PEX14: variants seen among roughly 807,000 people sequenced by gnomAD.
PEX14 encodes peroxisomal membrane protein PEX14.
PEX14 carries 15 observed loss-of-function variants against 49.5 expected under a neutral mutation model. The ratio of observed to expected loss-of-function variants is 0.30; its 90% CI spans 0.20 to 0.47. The LOEUF (loss-of-function observed/expected upper bound fraction) is 0.47, where lower values mean the gene tolerates loss of function less well. Ranked by LOEUF, PEX14 falls within the 20% of genes least tolerant of loss-of-function variation. The probability of loss-of-function intolerance (pLI) is 1.00; values close to 1 mark genes in which losing one functional copy is unlikely to be tolerated. For synonymous variants in PEX14, 210 were observed against 212.7 expected (o/e 0.99, Z 0.11); for missense variants, 398 against 494.8 (o/e 0.80, Z 1.86).
At chr1:10,606,037 T>C (rs181795960) in intron 4 of PEX14, among the ~76,000 whole-genome samples, 2 of 152,202 alleles carry the variant, frequency 1.3e-5, no homozygotes, top group African/African-American at 4.8e-5. Flanking sequence ...GTCTTTGGTG[T>C]TGATGGCAGT....
At chr1:10,513,914 A>G (rs1447954708) in intron 2 of PEX14, among the ~76,000 whole-genome samples, 1 of 152,214 alleles carries the variant, frequency 6.6e-6, no homozygotes, top group Non-Finnish European at 1.5e-5. Flanking sequence ...CAGGCAGGAT[A>G]TTAATGCTAA....
At chr1:10,485,299 GTTT>G (rs941970919) in intron 1 of PEX14, among the ~76,000 whole-genome samples, 2 of 100,694 alleles carry the variant, frequency 2.0e-5, no homozygotes, top group African/African-American at 8.7e-5. Flanking sequence ...TTTGTGTGTG[GTTT>G]TTTTTTTTTT....
At chr1:10,575,202 A>G (rs114008460) in intron 3 of PEX14, among the ~76,000 whole-genome samples, 1,976 of 152,326 alleles carry the variant, frequency 0.013, 42 homozygotes, top group African/African-American at 0.044. Context: ...GCAAAGTTCA[A>G]TGTACCTAGA....
Position 10,485,482 on chromosome 1 carries a change from A to C in PEX14, c.37-9792A>C, listed in dbSNP as rs116048115. Among the ~76,000 whole-genome samples the C allele has an allele frequency of 1.6e-3, 246 of 150,946 alleles. 6 individuals are homozygous for C. Among genetic ancestry groups the C allele is most frequent in the African/African-American group, 5.8e-3 (237 of 40,676 alleles). ...AGGTGCATGCCACCATGCCCAGCTA[A>C]TTATTTTTTGAATTTTTGTAGCGAG... is the stretch of plus-strand genomic sequence containing the variant. On this transcript the variant is annotated intron_variant, in intron 1 of 8. Coordinates refer to ENST00000356607, the MANE Select transcript of PEX14 (RefSeq NM_004565.3).
intron 4 of PEX14, among the ~76,000 whole-genome samples, chr1:10,612,844 G>A (rs1277106135): frequency 1.3e-5 from 2 of 152,246 alleles, no homozygotes; most frequent in South Asian, 2.1e-4. Flanking sequence ...CGAAGCTGAT[G>A]GGCTGATGTG....
chr1:10,522,542 T>C (rs1028012078), intron 2 of PEX14, among the ~76,000 whole-genome samples: 2 of 152,234 alleles, frequency 1.3e-5, no homozygotes, highest in Non-Finnish European at 2.9e-5. Context: ...TCAAGATCTC[T>C]TTTGGCTTGT....
At chr1:10,530,680 T>C (rs979462034) in intron 2 of PEX14, among the ~76,000 whole-genome samples, 12 of 152,248 alleles carry the variant, frequency 7.9e-5, no homozygotes, top group African/African-American at 2.9e-4. Flanking sequence ...TACCTGGCTA[T>C]TGGGCCCTTG....
chr1:10,508,237 C>T (rs1165487453), intron 2 of PEX14, among the ~76,000 whole-genome samples: 3 of 151,978 alleles, frequency 2.0e-5, no homozygotes, highest in South Asian at 2.1e-4. Context: ...GACGGAGTCT[C>T]GCTCTGTCAC....
chr1:10,611,370 C>T (rs75071931), intron 4 of PEX14, among the ~76,000 whole-genome samples: 20,074 of 152,232 alleles, frequency 0.13, 1,661 homozygotes, highest in South Asian at 0.19. Context: ...TCTGTTGCTC[C>T]ATGTACCGCA....
chr1:10,590,590 A>G (rs545163738), intron 3 of PEX14, among the ~76,000 whole-genome samples: 3 of 152,214 alleles, frequency 2.0e-5, no homozygotes, highest in Non-Finnish European at 2.9e-5. Flanking sequence ...CAGGTAGGGA[A>G]AATGAGATCT....
intron 5 of PEX14, among the ~76,000 whole-genome samples, chr1:10,618,895 G>A (rs1641512717): frequency 6.6e-6 from 1 of 152,216 alleles, no homozygotes; most frequent in South Asian, 2.1e-4. Context: ...CAAGGTTGTC[G>A]TGAAGTCCGG....
At position 10,495,144 on chromosome 1, in the gene PEX14, C is replaced by A; in HGVS notation, c.37-130C>A. 1 of 1,556,704 alleles carries A rather than the reference C, an allele frequency of 6.4e-7. No homozygotes were observed. Among genetic ancestry groups the A allele is most frequent in the Admixed American group, 1.9e-5 (1 of 53,636 alleles). On this transcript the variant is annotated intron_variant, in intron 1 of 8. Coordinates refer to ENST00000356607, the MANE Select transcript of PEX14 (RefSeq NM_004565.3). The surrounding 1 kb of genome is among the most constrained non-coding windows in gnomAD (Gnocchi z 4.2). ...AGTCCACTGCAAAATACTCTTGTGT[C>A]GTGAAAAACCAGTGAGAGATGTGAG...
intron 4 of PEX14, among the ~76,000 whole-genome samples, chr1:10,602,821 G>C (rs6684576): frequency 1.3e-5 from 2 of 152,266 alleles, no homozygotes; most frequent in East Asian, 1.9e-4. Context: ...CATTGTCTGC[G>C]TCGGGAGGGA....
intron 1 of PEX14, among the ~76,000 whole-genome samples, chr1:10,491,978 C>T (rs971437258): frequency 5.3e-5 from 8 of 152,104 alleles, no homozygotes; most frequent in African/African-American, 1.7e-4. Flanking sequence ...CCACTGCACC[C>T]GGCCGGCCAT....
intron 2 of PEX14, chr1:10,535,792 T>TGC (rs1168266833): frequency 3.9e-5 from 13 of 335,128 alleles, no homozygotes; most frequent in Non-Finnish European, 5.8e-5. Context: ...TGTGTGTGTG[T>TGC]GCGTGTGTAC....
chr1:10,562,914 C>CT (rs35438761), intron 3 of PEX14, among the ~76,000 whole-genome samples: 87,977 of 145,528 alleles, frequency 0.6, 27,662 homozygotes, highest in Non-Finnish European at 0.69. Context: ...TTCTTTCTTT[C>CT]TTTTCTTTTT....
chr1:10,493,118 C>T (rs1641499491), intron 1 of PEX14, among the ~76,000 whole-genome samples: 1 of 152,160 alleles, frequency 6.6e-6, no homozygotes, highest in Non-Finnish European at 1.5e-5. Flanking sequence ...CAATGTGGTG[C>T]CGCTTGAGAC....
chr1:10,547,148 C>G (rs1028383606), intron 3 of PEX14, among the ~76,000 whole-genome samples: 1 of 152,136 alleles, frequency 6.6e-6, no homozygotes, highest in African/African-American at 2.4e-5. Flanking sequence ...TTGTGTGACA[C>G]CTGGAAAAGC....
chr1:10,564,049 G>GT (rs1462132025), intron 3 of PEX14, among the ~76,000 whole-genome samples: 1 of 151,768 alleles, frequency 6.6e-6, no homozygotes, highest in African/African-American at 2.4e-5. Context: ...AATCTTTGGT[G>GT]TTTTTTTCAA....
Sources: gnomAD v4.1 joint callset for allele counts (sites outside exome capture counted in the v4.1 genomes callset) on GRCh38, gnomAD v4.1.1 for gene constraint, Gnocchi (gnomAD v3.1) non-coding constraint, MANE v1.5 for transcripts, NCBI Gene and HGNC (gene_info 2026-07-23, HGNC 2026-07-21) for gene names.